Variants in FGF2 observed in about 807,000 individuals in gnomAD.
FGF2 encodes fibroblast growth factor 2.
Under a neutral mutation model 15.9 loss-of-function variants are expected in FGF2, and 13 were observed. The ratio of observed to expected loss-of-function variants is 0.82; its 90% confidence interval spans 0.53 to 1.30. FGF2 has a LOEUF of 1.30. FGF2 is among the 50% of genes most tolerant of loss of function. The pLI is 0.00. For missense variants in FGF2, 163 were observed against 196.9 expected, an observed-to-expected ratio of 0.83 and a Z score of 1.03; for synonymous variants, 90 against 78.4, an observed-to-expected ratio of 1.15 and a Z score of -0.78.
intron 1 of FGF2, among the ~76,000 whole-genome samples, chr4:122,873,294 G>A (rs1007579916): frequency 6.6e-6 from 1 of 152,242 alleles, no homozygotes; most frequent in African/African-American, 2.4e-5. Flanking sequence ...CCTTTGACCT[G>A]CTCCCAGCCT....
In FGF2 at chr4:122,897,405, G is replaced by A; in HGVS notation, c.*5009G>A. The A allele has an allele frequency of 1.8e-6, 1 of 548,622 alleles. No homozygotes were observed. Among genetic ancestry groups the A allele is most frequent in the East Asian group, 3.2e-5 (1 of 31,366 alleles). The allele number at this position is 548,622 out of a possible 1,614,324, so 34.0% of individuals were successfully genotyped here. ...GCAGTCATAAACAGAAGAATAGGTG[G>A]TATGTTCCTAATGATATTATTTCTA... is the stretch of plus-strand genomic sequence containing the variant. On this transcript the variant is annotated 3_prime_UTR_variant, in exon 3 of 3. Transcript: ENST00000644866.
intron 1 of FGF2, among the ~76,000 whole-genome samples, chr4:122,857,360 C>T (rs780332848): frequency 2.0e-5 from 3 of 152,202 alleles, no homozygotes; most frequent in Non-Finnish European, 4.4e-5. Context: ...CCTTTTCTCT[C>T]TATCTCTGAA....
intron 1 of FGF2, among the ~76,000 whole-genome samples, chr4:122,831,706 G>A (rs1725769270): frequency 6.6e-6 from 1 of 152,178 alleles, no homozygotes; most frequent in African/African-American, 2.4e-5. Flanking sequence ...GATGCCAAGT[G>A]ACTTCAGCCT....
intron 1 of FGF2, among the ~76,000 whole-genome samples, chr4:122,861,717 A>G (rs1459836811): frequency 6.6e-6 from 1 of 152,100 alleles, no homozygotes; most frequent in African/African-American, 2.4e-5. Flanking sequence ...AGCCTCTGGT[A>G]TCTCCAGCCT....
chr4:122,835,064 C>T (rs1725836010), intron 1 of FGF2, among the ~76,000 whole-genome samples: 1 of 152,188 alleles, frequency 6.6e-6, no homozygotes, highest in Non-Finnish European at 1.5e-5. Context: ...CCTATTATTT[C>T]ATCTTCAGCC....
chr4:122,840,150 T>C (rs1725948662), intron 1 of FGF2, among the ~76,000 whole-genome samples: 1 of 152,178 alleles, frequency 6.6e-6, no homozygotes, highest in African/African-American at 2.4e-5. Context: ...GCAGAGATAG[T>C]GGGATTAGAG....
intron 1 of FGF2, among the ~76,000 whole-genome samples, chr4:122,849,997 C>T (rs1300380628): frequency 1.3e-5 from 2 of 152,202 alleles, no homozygotes; most frequent in African/African-American, 2.4e-5. Flanking sequence ...CGCGGTGGCT[C>T]ACGCCTGTAA....
chr4:122,891,315 C>T (rs1413033271), intron 2 of FGF2, among the ~76,000 whole-genome samples: 1 of 151,998 alleles, frequency 6.6e-6, no homozygotes, highest in Non-Finnish European at 1.5e-5. Context: ...GCTAGGATTA[C>T]AGGCGTGAGC....
chr4:122,833,897 G>C (rs984384134), intron 1 of FGF2, among the ~76,000 whole-genome samples: 6 of 152,190 alleles, frequency 3.9e-5, no homozygotes, highest in African/African-American at 1.4e-4. Flanking sequence ...ATAATCTAGA[G>C]AAAGATGAAT....
intron 1 of FGF2, among the ~76,000 whole-genome samples, chr4:122,838,752 C>T (rs1369956251): frequency 6.6e-6 from 1 of 152,180 alleles, no homozygotes; most frequent in Non-Finnish European, 1.5e-5. Context: ...TTAGGAAAGA[C>T]TTCTGTCATG....
chr4:122,835,281 ACTC>A (rs1725841778), intron 1 of FGF2, among the ~76,000 whole-genome samples: 1 of 146,754 alleles, frequency 6.8e-6, no homozygotes, highest in African/African-American at 2.5e-5. Flanking sequence ...GGCTGGAAGA[ACTC>A]CTCAGGCGGT....
At chr4:122,866,196 G>A (rs1158409712) in intron 1 of FGF2, among the ~76,000 whole-genome samples, 10 of 151,902 alleles carry the variant, frequency 6.6e-5, no homozygotes, top group African/African-American at 2.2e-4. Context: ...ATGAAACCCC[G>A]ACTCTACTAA....
chr4:122,862,183 T>A (rs947881075), intron 1 of FGF2, among the ~76,000 whole-genome samples: 3 of 152,234 alleles, frequency 2.0e-5, no homozygotes, highest in African/African-American at 7.2e-5. Flanking sequence ...ATTGAATTAA[T>A]GAGTAAATGT....
chr4:122,883,550 C>T (rs764776566), intron 2 of FGF2, among the ~76,000 whole-genome samples: 16 of 152,128 alleles, frequency 1.1e-4, no homozygotes, highest in Admixed American at 3.3e-4. Context: ...CATTCCATAG[C>T]AGGATAAATT....
chr4:122,892,493 A>G lies in FGF2; in HGVS notation c.*97A>G. ...AAAAGAAAATAAATGTGTATAGCTCAGTTTGGATAATTGGTCAAACAATTT... is the reference window on the plus strand; with the variant it reads ...AAAAGAAAATAAATGTGTATAGCTCGGTTTGGATAATTGGTCAAACAATTT... On this transcript the variant is annotated 3_prime_UTR_variant, in exon 3 of 3. Transcript: ENST00000644866. 3.8e-6 allele frequency: 6 copies of G among 1,565,230 alleles called. No homozygotes were observed. The South Asian group carries it at 7.1e-5, about 18-fold the overall frequency.
chr4:122,856,664 A>G (rs1560745757), intron 1 of FGF2, among the ~76,000 whole-genome samples: 2 of 152,234 alleles, frequency 1.3e-5, no homozygotes, highest in South Asian at 2.1e-4. Flanking sequence ...ATTCATTCAC[A>G]TGCAGTTGTA....
intron 1 of FGF2, among the ~76,000 whole-genome samples, chr4:122,858,810 A>T (rs1236747726): frequency 6.6e-6 from 1 of 152,206 alleles, no homozygotes; most frequent in Non-Finnish European, 1.5e-5. Context: ...AAGAAAAAAA[A>T]ACAGTGGTTA....
Position 122,895,716 on chromosome 4 carries a change from TAAAAA to T in FGF2, c.*3322_*3326del, listed in dbSNP as rs1348019917. On this transcript the variant is annotated 3_prime_UTR_variant, in exon 3 of 3. Coordinates refer to ENST00000644866, the MANE Select transcript of FGF2 (RefSeq NM_001361665.2). ...TTTTCTATATGACCCTCTTGATATT[TAAAAA>T]ACACTATGGATAACAATTCTTCATT... 1 of 152,148 alleles carries T rather than the reference TAAAAA, an allele frequency of 6.6e-6. No individual in the cohort carries two copies. The highest frequency in any genetic ancestry group is 1.5e-5 in the Non-Finnish European group (1 of 68,040). The allele number at this position is 152,148 out of a possible 1,614,324, so 9.4% of individuals were successfully genotyped here. A position where few individuals can be genotyped will look rare whatever the true frequency, so the allele number is the denominator to read the frequency against.
At chr4:122,830,764 T>G (rs183022462) in intron 1 of FGF2, among the ~76,000 whole-genome samples, 1 of 145,904 alleles carries the variant, frequency 6.9e-6, no homozygotes, top group Non-Finnish European at 1.5e-5. Context: ...AAGTGAAATG[T>G]ATGCTGCTTA....
Sources: allele counts gnomAD v4.1 joint callset (sites outside exome capture counted in the v4.1 genomes callset), GRCh38; gene constraint gnomAD v4.1.1; transcripts MANE v1.5; gene names NCBI Gene and HGNC (gene_info 2026-07-23, HGNC 2026-07-21).